LRRN1: variants seen among roughly 807,000 people sequenced by gnomAD.
LRRN1 encodes leucine-rich repeat neuronal protein 1.
Under a neutral mutation model 45.8 loss-of-function variants are expected in LRRN1, and 14 were observed. That is an observed-to-expected ratio of 0.31 (90% CI 0.20 to 0.48). The LOEUF is 0.48. Among genes scored for constraint, LRRN1 ranks in the 20% least tolerant of loss-of-function variants. LRRN1 has a pLI of 0.99. For missense variants in LRRN1, 789 were observed against 874.2 expected, an observed-to-expected ratio of 0.90 and a Z score of 1.23; for synonymous variants, 359 against 330.1, an observed-to-expected ratio of 1.09 and a Z score of -0.95.
intron 1 of LRRN1, among the ~76,000 whole-genome samples, chr3:3,829,333 G>T (rs1049691280): frequency 3.9e-5 from 6 of 152,112 alleles, no homozygotes; most frequent in African/African-American, 1.4e-4. Context: ...ATGTCTCCTG[G>T]TGGCAGCGTT....
intron 1 of LRRN1, among the ~76,000 whole-genome samples, chr3:3,830,848 G>A (rs534721439): frequency 2.6e-5 from 4 of 152,282 alleles, no homozygotes; most frequent in South Asian, 4.2e-4. Flanking sequence ...GTGACCCATG[G>A]TCAAACGTTC....
At chr3:3,840,393 G>A (rs888371977) in intron 1 of LRRN1, among the ~76,000 whole-genome samples, 3 of 152,066 alleles carry the variant, frequency 2.0e-5, no homozygotes, top group Non-Finnish European at 4.4e-5. Context: ...AGGGATATTG[G>A]TCTGTAGTTT....
chr3:3,839,650 T>G (rs1693604735), intron 1 of LRRN1, among the ~76,000 whole-genome samples: 1 of 152,272 alleles, frequency 6.6e-6, no homozygotes, highest in Middle Eastern at 3.4e-3. Flanking sequence ...TCATCTTTGA[T>G]TTATTTTGGT....
In LRRN1 at chr3:3,845,647, G is replaced by C; in HGVS notation, c.1006G>C (p.Val336Leu). ...CATCCACCGCTTGGCTTTCCGAAGT[G>C]TCCCTGCTCTGGAAAGCTTGATGCT... ...SYIHRLAFRS[V>L]PALESLMLNN... is the part of the protein sequence containing the mutation. The change falls in exon 2 of 2, where the codon GTC becomes CTC. Residue 336 changes from valine (V) to leucine (L), a missense_variant. By Grantham distance (32) the Val-to-Leu change is conservative (BLOSUM62 1). Transcript: ENST00000319331. The surrounding 1 kb of genome is among the most constrained non-coding windows in gnomAD (Gnocchi z 6.5). 6.2e-7 allele frequency: 1 copy of C among 1,614,050 alleles called. No homozygotes were observed. Among genetic ancestry groups the C allele is most frequent in the Non-Finnish European group, 8.5e-7 (1 of 1,180,018 alleles).
chr3:3,806,245 G>A (rs1363067682), intron 1 of LRRN1, among the ~76,000 whole-genome samples: 4 of 152,214 alleles, frequency 2.6e-5, no homozygotes, highest in South Asian at 2.1e-4. Flanking sequence ...CTTCAGTCTA[G>A]TCGGGGTTAC....
chr3:3,812,386 G>C (rs1459296989), intron 1 of LRRN1, among the ~76,000 whole-genome samples: 1 of 152,186 alleles, frequency 6.6e-6, no homozygotes, highest in African/African-American at 2.4e-5. Flanking sequence ...GGGAGAGTTA[G>C]CCAGGCAAAG....
At chr3:3,815,477 C>T (rs990668295) in intron 1 of LRRN1, among the ~76,000 whole-genome samples, 4 of 152,126 alleles carry the variant, frequency 2.6e-5, no homozygotes, top group Non-Finnish European at 5.9e-5. Flanking sequence ...ACTTACTAGC[C>T]ACATGTTGAT....
At chr3:3,841,514 G>GT (rs1693653436) in intron 1 of LRRN1, among the ~76,000 whole-genome samples, 2 of 151,210 alleles carry the variant, frequency 1.3e-5, no homozygotes, top group Admixed American at 1.3e-4. Flanking sequence ...TCTGTGGTAT[G>GT]TTTTCTTTTC....
At chr3:3,837,405 C>G (rs1054884446) in intron 1 of LRRN1, among the ~76,000 whole-genome samples, 1 of 152,068 alleles carries the variant, frequency 6.6e-6, no homozygotes, top group African/African-American at 2.4e-5. Flanking sequence ...ACCTTCCCTT[C>G]AAGCACCATT....
chr3:3,838,522 TTTAA>T (rs1693576585), intron 1 of LRRN1, among the ~76,000 whole-genome samples: 1 of 152,208 alleles, frequency 6.6e-6, no homozygotes, highest in African/African-American at 2.4e-5. Context: ...AAGATTCCGC[TTTAA>T]TTCTTTTGGA....
At chr3:3,814,244 T>C (rs897617350) in intron 1 of LRRN1, among the ~76,000 whole-genome samples, 5 of 149,074 alleles carry the variant, frequency 3.4e-5, no homozygotes, top group African/African-American at 1.2e-4. Context: ...TTCGGAATTA[T>C]AGAACTGATC....
chr3:3,817,031 G>A (rs1159197674), intron 1 of LRRN1, among the ~76,000 whole-genome samples: 9 of 152,158 alleles, frequency 5.9e-5, no homozygotes, highest in Admixed American at 5.9e-4. Flanking sequence ...CGTGATTATG[G>A]AGGCCGAGAA....
intron 1 of LRRN1, among the ~76,000 whole-genome samples, chr3:3,823,419 A>C (rs1042075049): frequency 6.6e-6 from 1 of 152,084 alleles, no homozygotes; most frequent in African/African-American, 2.4e-5. Context: ...AAGAAGAAGA[A>C]GGTTAGGTTA....
intron 1 of LRRN1, among the ~76,000 whole-genome samples, chr3:3,801,708 A>G (rs1692656464): frequency 6.6e-6 from 1 of 152,226 alleles, no homozygotes. Flanking sequence ...TGACACCTTT[A>G]TTCAGGAGCC....
At position 3,846,261 on chromosome 3, in the gene LRRN1, A is replaced by T; in HGVS notation, c.1620A>T (p.Leu540Phe). Residue 540 changes from leucine (L) to phenylalanine (F), a missense_variant, in exon 2 of 2, where the codon TTA (leucine) becomes TTT (phenylalanine). Physicochemically the swap from Leu to Phe is conservative, Grantham distance 22. Transcript: ENST00000319331. This position sits in a 1 kb window ranked among gnomAD's most constrained non-coding sequence, Gnocchi z 5.7. ...AGCAGACAGAATCCCATTCCATCTTAGTGTCCTGGAAAGTTAATTCCAATG... is the reference window on the plus strand; with the variant it reads ...AGCAGACAGAATCCCATTCCATCTTTGTGTCCTGGAAAGTTAATTCCAATG... Reference protein sequence around the residue: ...YVKQTESHSILVSWKVNSNVM... With the variant: ...YVKQTESHSIFVSWKVNSNVM... 6.2e-7 allele frequency: 1 copy of T among 1,614,096 alleles called. No homozygotes were observed. The highest frequency in any genetic ancestry group is 8.5e-7 in the Non-Finnish European group (1 of 1,180,030).
rs192293503 is a variant in LRRN1, at chr3:3,824,459, T to A, written c.-278-19905T>A. Among the ~76,000 whole-genome samples the A allele has an allele frequency of 4.4e-3, 675 of 152,258 alleles. 5 individuals carry two copies. The highest frequency in any genetic ancestry group is 0.016 in the African/African-American group (653 of 41,564). On this transcript the variant is annotated intron_variant, in intron 1 of 1. Transcript: ENST00000319331. The stretch of plus-strand genomic sequence containing the variant: ...TATACATGCAATTTGGCTGTGCTTA[T>A]ACAGCACAGATCAACATTACAATCA...
At chr3:3,836,023 A>C (rs1490773655) in intron 1 of LRRN1, among the ~76,000 whole-genome samples, 1 of 152,174 alleles carries the variant, frequency 6.6e-6, no homozygotes, top group East Asian at 1.9e-4. Flanking sequence ...CCTGGTAATT[A>C]GCAGGACATT....
intron 1 of LRRN1, among the ~76,000 whole-genome samples, chr3:3,821,670 G>A (rs1402516782): frequency 6.6e-6 from 1 of 152,152 alleles, no homozygotes; most frequent in Non-Finnish European, 1.5e-5. Context: ...TAGAGAAAAG[G>A]ATGGATCACA....
chr3:3,820,985 G>C (rs1408407680), intron 1 of LRRN1, among the ~76,000 whole-genome samples: 2 of 152,214 alleles, frequency 1.3e-5, no homozygotes. Context: ...GTGGTGGCAG[G>C]TCAGAGCCAG....
Sources: allele counts gnomAD v4.1 joint callset (sites outside exome capture counted in the v4.1 genomes callset), GRCh38; gene constraint gnomAD v4.1.1; non-coding constraint Gnocchi (gnomAD v3.1); transcripts MANE v1.5; gene names NCBI Gene and HGNC (gene_info 2026-07-23, HGNC 2026-07-21).